KCNK12: variants seen among roughly 807,000 people sequenced by gnomAD.
KCNK12 encodes the protein potassium two pore domain channel subfamily K member 12, also known as potassium channel subfamily K member 12.
A neutral mutation model predicts 25.3 loss-of-function variants in KCNK12; 6 were observed. The ratio of observed to expected loss-of-function variants is 0.24; its 90% confidence interval spans 0.13 to 0.47. The LOEUF (loss-of-function observed/expected upper bound fraction) is 0.47, where lower values mean the gene tolerates loss of function less well. Among genes scored for constraint, KCNK12 ranks in the 20% least tolerant of loss-of-function variants. The probability of loss-of-function intolerance (pLI) is 0.99; values close to 1 mark genes in which losing one functional copy is unlikely to be tolerated. For synonymous variants in KCNK12, 331 were observed against 311.1 expected (o/e 1.06, Z -0.67); for missense variants, 444 against 661.7 (o/e 0.67, Z 3.61).
At position 47,512,184 on chromosome 2, in the gene KCNK12, A is replaced by G. The variant is rs531427024; in HGVS notation, c.*8723T>C. On this transcript the variant is annotated 3_prime_UTR_variant, in exon 2 of 2. Transcript: ENST00000327876. ...GCTCCTCCCAGTCCATGGAGAAAAA[A>G]GAATTGAACAAACTGTCTAAGCTGG... 1.7e-5 allele frequency: 21 copies of G among 1,238,768 alleles called. No homozygotes were observed. The East Asian group carries it at 4.0e-4, about 24-fold the overall frequency. The allele number at this position is 1,238,768 out of a possible 1,614,324, so 76.7% of individuals were successfully genotyped here.
At position 47,531,761 on chromosome 2, in the gene KCNK12, T is replaced by C. The variant is rs1165819501; in HGVS notation, c.392-9953A>G. Among the ~76,000 whole-genome samples the C allele has an allele frequency of 2.0e-5, 3 of 152,186 alleles. No individual in the cohort carries two copies. In the South Asian group the frequency reaches 6.2e-4, roughly 31 times the overall value. ...TAAAAACAGTGGGTGCAGCCAGTTCTAGGCAAGATTAGGCAGCACATAGGC... is the reference window on the plus strand; with the variant it reads ...TAAAAACAGTGGGTGCAGCCAGTTCCAGGCAAGATTAGGCAGCACATAGGC... On this transcript the variant is annotated intron_variant, in intron 1 of 1. Transcript: ENST00000327876.
chr2:47,562,343 G>C lies in KCNK12; in HGVS notation c.391+7598C>G, dbSNP rs1197319924. ...TACAAGATTCTGGATGCTTCATCCTGAGGTCACCTTGGAATGAGATCCTCT... is the reference window on the plus strand; with the variant it reads ...TACAAGATTCTGGATGCTTCATCCTCAGGTCACCTTGGAATGAGATCCTCT... On this transcript the variant is annotated intron_variant, in intron 1 of 1. Coordinates refer to ENST00000327876, the MANE Select transcript of KCNK12 (RefSeq NM_022055.2). The surrounding 1 kb of genome is among the most constrained non-coding windows in gnomAD (Gnocchi z 4.8). The C allele has an allele frequency of 2.7e-6, 1 of 376,550 alleles. No homozygotes were observed. Among genetic ancestry groups the C allele is most frequent in the African/African-American group, 2.1e-5 (1 of 48,360 alleles). The allele number at this position is 376,550 out of a possible 1,614,324, so 23.3% of individuals were successfully genotyped here.
rs1668351381 is a variant in KCNK12, at chr2:47,509,608, G to C, written c.*11299C>G. 6.6e-6 allele frequency among the ~76,000 whole-genome samples: 1 copy of C among 152,238 alleles called. No homozygotes were observed. The highest frequency in any genetic ancestry group is 1.5e-5 in the Non-Finnish European group (1 of 68,036). On this transcript the variant is annotated 3_prime_UTR_variant, in exon 2 of 2. Transcript: ENST00000327876. The stretch of plus-strand genomic sequence containing the variant: ...CCGAGGACTGTGGCATGACGTGCTG[G>C]AGTCACGATTCTGTCACCCAGTCAG...
rs1232583207 is a variant in KCNK12 at position 47,547,076 on chromosome 2, A to C, written c.391+22865T>G. On this transcript the variant is annotated intron_variant, in intron 1 of 1. Coordinates refer to ENST00000327876, the MANE Select transcript of KCNK12 (RefSeq NM_022055.2). The surrounding 1 kb of genome is among the most constrained non-coding windows in gnomAD (Gnocchi z 5.0). ...CTATGCACACTGAGTTTCCAGTCCA[A>C]TTTTCTATTTTTAATTCTTAAATGT... Among the ~76,000 whole-genome samples the C allele has an allele frequency of 6.6e-6, 1 of 152,096 alleles. No homozygotes were observed. The highest frequency in any genetic ancestry group is 1.5e-5 in the Non-Finnish European group (1 of 68,030).
chr2:47,527,143 G>C (rs1470375637), intron 1 of KCNK12, among the ~76,000 whole-genome samples: 2 of 152,194 alleles, frequency 1.3e-5, no homozygotes, highest in African/African-American at 4.8e-5. Context: ...GTATTCTGAG[G>C]GCACCAAGGA....
rs763611812 is a variant in KCNK12 at position 47,551,536 on chromosome 2, A to G, written c.391+18405T>C. ...CCTGGGGATTTTCAGTTGCTGGCAC[A>G]TAGTGGAGCGCTCAAGAAATATTTG... On this transcript the variant is annotated intron_variant, in intron 1 of 1. Coordinates refer to ENST00000327876, the MANE Select transcript of KCNK12 (RefSeq NM_022055.2). This position sits in a 1 kb window ranked among gnomAD's most constrained non-coding sequence, Gnocchi z 5.3. Among the ~76,000 whole-genome samples the G allele has an allele frequency of 3.9e-5, 6 of 152,186 alleles. No individual in the cohort carries two copies. The highest frequency in any genetic ancestry group is 5.9e-5 in the Non-Finnish European group (4 of 68,038).
rs949535543 is a variant in KCNK12, at chr2:47,570,431, G to C, written c.-100C>G. ...GCGTGAGGATGGTGGCCAGGGGTCC[G>C]GGGCCGCCGCGGAGCCCCTCGCCGC... is the stretch of plus-strand genomic sequence containing the variant. On this transcript the variant is annotated 5_prime_UTR_variant, in exon 1 of 2. Transcript: ENST00000327876. The C allele has an allele frequency of 9.5e-6, 11 of 1,160,572 alleles. No homozygotes were observed. Among genetic ancestry groups the C allele is most frequent in the East Asian group, 3.7e-5 (1 of 27,330 alleles). 71.9% of individuals were successfully genotyped at this position (1,160,572 alleles called of 1,614,324 possible).
rs564665311 is a variant in KCNK12, at chr2:47,545,636, A to G, written c.392-23828T>C. ...AGCTCTGTCACTTGCTGGCTCTTTG[A>G]TCTGAGAAAGCCATTGAGCCTCTTT... On this transcript the variant is annotated intron_variant, in intron 1 of 1. Transcript: ENST00000327876. 3.9e-5 allele frequency among the ~76,000 whole-genome samples: 6 copies of G among 152,316 alleles called. No individual in the cohort carries two copies. In the East Asian group the frequency reaches 1.2e-3, roughly 29 times the overall value.
rs1235771713 is a variant in KCNK12 at position 47,514,416 on chromosome 2, G to A, written c.*6491C>T. On this transcript the variant is annotated 3_prime_UTR_variant, in exon 2 of 2. Transcript: ENST00000327876. The surrounding 1 kb of genome is among the most constrained non-coding windows in gnomAD (Gnocchi z 5.0). ...TGTCTTTCTCACCCTTGTCTCTCCAGCCCCTAACACAGGGGATGCCTGACC... is the reference window on the plus strand; with the variant it reads ...TGTCTTTCTCACCCTTGTCTCTCCAACCCCTAACACAGGGGATGCCTGACC... 6.6e-6 allele frequency among the ~76,000 whole-genome samples: 1 copy of A among 152,186 alleles called. No homozygotes were observed. The highest frequency in any genetic ancestry group is 1.5e-5 in the Non-Finnish European group (1 of 68,016).
rs1381350189 is a variant in KCNK12 at position 47,518,346 on chromosome 2, TG to T, written c.*2560del. The stretch of plus-strand genomic sequence containing the variant: ...GGCGTTTCTCTGGGAAGTTGGGAGG[TG>T]GGAAGAGGAAGGGTCTCATTTTCCT... On this transcript the variant is annotated 3_prime_UTR_variant, in exon 2 of 2. Coordinates refer to ENST00000327876, the MANE Select transcript of KCNK12 (RefSeq NM_022055.2). The surrounding 1 kb of genome is among the most constrained non-coding windows in gnomAD (Gnocchi z 4.1). The T allele has an allele frequency of 6.6e-6, 1 of 152,078 alleles. No homozygotes were observed. Among genetic ancestry groups the T allele is most frequent in the African/African-American group, 2.4e-5 (1 of 41,388 alleles). The allele number at this position is 152,078 out of a possible 1,614,324, so 9.4% of individuals were successfully genotyped here.
rs937309728 is a variant in KCNK12, at chr2:47,562,388, T to C, written c.391+7553A>G. ...TCCTCTGGGATCTGGAGGAAGCAGA[T>C]GGAGGAGAAACCCCAGGGCTCAATT... On this transcript the variant is annotated intron_variant, in intron 1 of 1. Coordinates refer to ENST00000327876, the MANE Select transcript of KCNK12 (RefSeq NM_022055.2). This position sits in a 1 kb window ranked among gnomAD's most constrained non-coding sequence, Gnocchi z 4.8. 1.5e-5 allele frequency: 5 copies of C among 339,892 alleles called. No homozygotes were observed. Among genetic ancestry groups the C allele is most frequent in the African/African-American group, 1.0e-4 (5 of 47,710 alleles). 21.1% of individuals were successfully genotyped at this position (339,892 alleles called of 1,614,324 possible).
At chr2:47,564,401 ACTGTGT>A (rs1669749452) in intron 1 of KCNK12, 1 of 226,256 alleles carries the variant, frequency 4.4e-6, no homozygotes, top group South Asian at 1.8e-4. Flanking sequence ...AAAGATGATC[ACTGTGT>A]CATTACTCAA....
At chr2:47,549,129 C>G (rs1287669542) in intron 1 of KCNK12, among the ~76,000 whole-genome samples, 2 of 152,138 alleles carry the variant, frequency 1.3e-5, no homozygotes, top group East Asian at 1.9e-4. Flanking sequence ...TTCCAGAGCC[C>G]TCACAAAGCC....
chr2:47,570,114 C>T lies in KCNK12; in HGVS notation c.218G>A (p.Gly73Asp), dbSNP rs1466945046. The change falls in exon 1 of 2, where the codon GGC becomes GAC. Residue 73 changes from glycine (G) to aspartate (D), a missense_variant. By Grantham distance (94) the Gly-to-Asp change is moderately conservative. Around this residue, in one of 8 missense-constraint regions of KCNK12, gnomAD observed 106 missense variants for 142.2 expected, o/e 0.75. Coordinates refer to ENST00000327876, the MANE Select transcript of KCNK12 (RefSeq NM_022055.2). Reference sequence around the variant, plus strand: ...AGCGCTGAAGTTGCGCAGCGTGGCGCCCCAGCGCGCCCGCGCCTCCGCCTC... The same window carrying T: ...AGCGCTGAAGTTGCGCAGCGTGGCGTCCCAGCGCGCCCGCGCCTCCGCCTC... ...PGEAEARARW[G>D]ATLRNFSAAH... is the part of the protein sequence containing the mutation. 3 of 1,416,838 alleles carry T rather than the reference C, an allele frequency of 2.1e-6. No homozygotes were observed. Among genetic ancestry groups the T allele is most frequent in the Non-Finnish European group, 2.8e-6 (3 of 1,086,340 alleles). 87.8% of individuals were successfully genotyped at this position (1,416,838 alleles called of 1,614,324 possible).
At chr2:47,532,083 C>A (rs1307682247) in intron 1 of KCNK12, among the ~76,000 whole-genome samples, 1 of 152,136 alleles carries the variant, frequency 6.6e-6, no homozygotes, top group East Asian at 1.9e-4. Flanking sequence ...AATATTCATT[C>A]ATTCAACAAA....
At chr2:47,568,151 A>G (rs1558568297) in intron 1 of KCNK12, among the ~76,000 whole-genome samples, 1 of 152,102 alleles carries the variant, frequency 6.6e-6, no homozygotes, top group Non-Finnish European at 1.5e-5. Context: ...TCACTGGGAG[A>G]AAGTGCTATG....
rs541130279 is a variant in KCNK12 at position 47,527,378 on chromosome 2, G to A, written c.392-5570C>T. Among the ~76,000 whole-genome samples the A allele has an allele frequency of 5.2e-4, 79 of 152,308 alleles. 1 individual carries two copies. Among genetic ancestry groups the A allele is most frequent in the South Asian group, 4.8e-3 (23 of 4,818 alleles). ...GCCAAGGTAGACTCATAACCTCCCCGTGGCACAGCTCAGACAAGCTGGGCT... is the reference window on the plus strand; with the variant it reads ...GCCAAGGTAGACTCATAACCTCCCCATGGCACAGCTCAGACAAGCTGGGCT... On this transcript the variant is annotated intron_variant, in intron 1 of 1. Coordinates refer to ENST00000327876, the MANE Select transcript of KCNK12 (RefSeq NM_022055.2).
At chr2:47,546,928 G>C (rs1016950449) in intron 1 of KCNK12, among the ~76,000 whole-genome samples, 1 of 152,034 alleles carries the variant, frequency 6.6e-6, no homozygotes, top group African/African-American at 2.4e-5. Flanking sequence ...GAGAAGGGGA[G>C]GGAGGGAGGG....
At chr2:47,535,499 C>T (rs1382525262) in intron 1 of KCNK12, among the ~76,000 whole-genome samples, 11 of 151,674 alleles carry the variant, frequency 7.3e-5, no homozygotes. Flanking sequence ...GAGCTAATGG[C>T]ACATTCCACT....
Sources: allele counts gnomAD v4.1 joint callset (sites outside exome capture counted in the v4.1 genomes callset), GRCh38; gene constraint gnomAD v4.1.1; regional missense constraint gnomAD v4.1.1; non-coding constraint Gnocchi (gnomAD v3.1); transcripts MANE v1.5; gene names NCBI Gene and HGNC (gene_info 2026-07-23, HGNC 2026-07-21).